The following SYNJ2BP variants were observed in gnomAD, a reference collection of about 807,000 sequenced individuals.
SYNJ2BP encodes the protein synaptojanin-2-binding protein.
SYNJ2BP carries 10 observed loss-of-function variants against 16.9 expected under a neutral mutation model. The ratio of observed to expected loss-of-function variants is 0.59; its 90% CI spans 0.36 to 1.00. The LOEUF (loss-of-function observed/expected upper bound fraction) is 1.00, where lower values mean the gene tolerates loss of function less well. Ranked by LOEUF, SYNJ2BP falls within the 50% of genes least tolerant of loss-of-function variation. SYNJ2BP has a pLI of 0.01. For missense variants in SYNJ2BP, 162 were observed against 186.7 expected, an observed-to-expected ratio of 0.87 and a Z score of 0.77; for synonymous variants, 54 against 68.4, an observed-to-expected ratio of 0.79 and a Z score of 1.04.
chr14:70,416,241 T>A (rs1888602600), intron 1 of SYNJ2BP, among the ~76,000 whole-genome samples: 1 of 150,832 alleles, frequency 6.6e-6, no homozygotes, highest in Non-Finnish European at 1.5e-5. Context: ...TCATAAAAAA[T>A]AAATAAATAA....
chr14:70,399,814 G>A (rs1007548048), intron 1 of SYNJ2BP, among the ~76,000 whole-genome samples: 6 of 152,178 alleles, frequency 3.9e-5, no homozygotes, highest in African/African-American at 1.4e-4. Context: ...GCTGATTGGT[G>A]TTGTTTTGGG....
chr14:70,416,680 T>A (rs1316735111), intron 1 of SYNJ2BP, among the ~76,000 whole-genome samples: 1 of 152,196 alleles, frequency 6.6e-6, no homozygotes, highest in East Asian at 1.9e-4. Context: ...TATATATATT[T>A]GTGTTCATCC....
At chr14:70,385,529 T>C (rs1011611142) in intron 2 of SYNJ2BP, among the ~76,000 whole-genome samples, 1 of 151,716 alleles carries the variant, frequency 6.6e-6, no homozygotes, top group Non-Finnish European at 1.5e-5. Context: ...CGTGCCACCA[T>C]GCCCACCTAA....
intron 1 of SYNJ2BP, among the ~76,000 whole-genome samples, chr14:70,408,673 C>CA (rs71105711): frequency 0.61 from 87,286 of 143,890 alleles, 27,813 homozygotes; most frequent in Non-Finnish European, 0.72. Context: ...AACTCCGTCT[C>CA]AAAAAAAAAA....
intron 1 of SYNJ2BP, among the ~76,000 whole-genome samples, chr14:70,395,604 T>C (rs1594952733): frequency 6.6e-6 from 1 of 152,128 alleles, no homozygotes; most frequent in Non-Finnish European, 1.5e-5. Flanking sequence ...ACAACCCCCC[T>C]GTCTGTCTTT....
At chr14:70,373,252 A>G (rs1475806420) in intron 3 of SYNJ2BP, 121 bp from the exon 4 acceptor site, 4 of 1,293,400 alleles carry the variant, frequency 3.1e-6, no homozygotes, top group Non-Finnish European at 4.2e-6. Context: ...AACCCCCAGC[A>G]ATACCTAGCA....
intron 1 of SYNJ2BP, among the ~76,000 whole-genome samples, chr14:70,392,209 G>T (rs1464209726): frequency 6.6e-6 from 1 of 152,176 alleles, no homozygotes; most frequent in Non-Finnish European, 1.5e-5. Flanking sequence ...CATTTACTAT[G>T]TGTTAGGCAT....
intron 1 of SYNJ2BP, among the ~76,000 whole-genome samples, chr14:70,392,342 C>T (rs1227612186): frequency 6.6e-6 from 1 of 152,208 alleles, no homozygotes; most frequent in African/African-American, 2.4e-5. Flanking sequence ...AGTCAGAAGA[C>T]TTGGTTCTAA....
intron 1 of SYNJ2BP, among the ~76,000 whole-genome samples, chr14:70,413,383 A>G (rs1446248930): frequency 6.6e-6 from 1 of 152,228 alleles, no homozygotes; most frequent in Non-Finnish European, 1.5e-5. Flanking sequence ...TCACGCCTGT[A>G]ATCCCAAAAC....
chr14:70,411,276 C>A (rs1187212504), intron 1 of SYNJ2BP, among the ~76,000 whole-genome samples: 7 of 152,062 alleles, frequency 4.6e-5, no homozygotes, highest in Non-Finnish European at 1.0e-4. Context: ...GGACAAGATA[C>A]AGTGCTTAGC....
intron 2 of SYNJ2BP, among the ~76,000 whole-genome samples, chr14:70,382,528 G>A (rs1887775149): frequency 6.6e-6 from 1 of 152,160 alleles, no homozygotes; most frequent in Non-Finnish European, 1.5e-5. Context: ...GTCTGGGAAG[G>A]GCCCTGAGAT....
intron 1 of SYNJ2BP, among the ~76,000 whole-genome samples, chr14:70,410,652 G>A (rs1165445472): frequency 6.6e-6 from 1 of 152,066 alleles, no homozygotes; most frequent in Admixed American, 6.6e-5. Context: ...AAGAAAATGT[G>A]GTGCATATAC....
At chr14:70,387,055 T>C (rs907549965) in intron 2 of SYNJ2BP, among the ~76,000 whole-genome samples, 4 of 152,170 alleles carry the variant, frequency 2.6e-5, no homozygotes, top group Admixed American at 6.5e-5. Flanking sequence ...CTGGAGAGGA[T>C]AGGGCTCCGA....
intron 1 of SYNJ2BP, among the ~76,000 whole-genome samples, chr14:70,411,033 T>C (rs967037621): frequency 6.6e-6 from 1 of 151,724 alleles, no homozygotes; most frequent in Non-Finnish European, 1.5e-5. Flanking sequence ...AAATAAGAAA[T>C]AAAATATATG....
At chr14:70,412,956 T>C (rs889284920) in intron 1 of SYNJ2BP, among the ~76,000 whole-genome samples, 2 of 152,130 alleles carry the variant, frequency 1.3e-5, no homozygotes, top group African/African-American at 4.8e-5. Flanking sequence ...TAAGAGACTT[T>C]CAATTTGATA....
chr14:70,405,122 G>A (rs1888319698), intron 1 of SYNJ2BP, among the ~76,000 whole-genome samples: 1 of 152,058 alleles, frequency 6.6e-6, no homozygotes, highest in Non-Finnish European at 1.5e-5. Context: ...GTGAGACCCT[G>A]TCAGTCAATC....
At chr14:70,410,287 G>A (rs1171387857) in intron 1 of SYNJ2BP, among the ~76,000 whole-genome samples, 2 of 152,046 alleles carry the variant, frequency 1.3e-5, no homozygotes, top group Admixed American at 6.6e-5. Flanking sequence ...AATCAGGTGT[G>A]GTGACACACA....
At position 70,366,799 on chromosome 14, in the gene SYNJ2BP, G is replaced by T. The variant is rs188983076; in HGVS notation, c.*6192C>A. The T allele has an allele frequency of 5.9e-5, 9 of 152,268 alleles. No individual in the cohort carries two copies. Among genetic ancestry groups the T allele is most frequent in the Admixed American group, 5.9e-4 (9 of 15,300 alleles). The allele number at this position is 152,268 out of a possible 1,614,324, so 9.4% of individuals were successfully genotyped here. The stretch of plus-strand genomic sequence containing the variant: ...ACATTAGAATTGAAGCAGAAAGGAA[G>T]CAAAACAAAACAGGGTTCATGAGGA... On this transcript the variant is annotated 3_prime_UTR_variant, in exon 4 of 4. Transcript: ENST00000256366.
intron 1 of SYNJ2BP, among the ~76,000 whole-genome samples, chr14:70,394,299 TAG>T: frequency 6.6e-6 from 1 of 151,786 alleles, no homozygotes; most frequent in East Asian, 1.9e-4. Flanking sequence ...AGATACAGGA[TAG>T]AGTTTAGGTA....
Sources: gnomAD v4.1 joint callset for allele counts (sites outside exome capture counted in the v4.1 genomes callset) on GRCh38, gnomAD v4.1.1 for gene constraint, MANE v1.5 for transcripts, NCBI Gene and HGNC (gene_info 2026-07-23, HGNC 2026-07-21) for gene names.